CTDSP1: variants seen among roughly 807,000 people sequenced by gnomAD.
CTDSP1 encodes carboxy-terminal domain RNA polymerase II polypeptide A small phosphatase 1.
CTDSP1 carries 15 observed loss-of-function variants against 32.5 expected under a neutral mutation model. The ratio of observed to expected loss-of-function variants is 0.46; its 90% CI spans 0.31 to 0.71. The LOEUF (loss-of-function observed/expected upper bound fraction) is 0.71. Ranked by LOEUF, CTDSP1 falls within the 30% of genes least tolerant of loss-of-function variation. CTDSP1 has a pLI of 0.05. For missense variants in CTDSP1, 294 were observed against 351.1 expected (o/e 0.84, Z 1.30); for synonymous variants, 185 against 145.4 (o/e 1.27, Z -1.96).
At chr2:218,400,234 AGCCGCC>A in intron 1 of CTDSP1, 77 bp downstream of exon 1, 1 of 1,366,054 alleles carries the variant, frequency 7.3e-7, no homozygotes, top group Non-Finnish European at 9.8e-7. Flanking sequence ...TCCCCAGGGG[AGCCGCC>A]GCCGCCGCCC....
In CTDSP1 at chr2:218,401,458, G is replaced by A. The variant is rs79924237; in HGVS notation, c.68-106G>A. ...CTGCCTTCGTGTGTCTGGATGAAGG[G>A]GCCACGGCAAGATCCTCCTGGCTCA... On this transcript the variant is annotated intron_variant, in intron 1 of 6. Transcript: ENST00000273062. The A allele has an allele frequency of 2.4e-3, 3,229 of 1,333,304 alleles. 57 individuals are homozygous for A. The African/African-American group carries it at 0.043, about 18-fold the overall frequency. The allele number at this position is 1,333,304 out of a possible 1,614,324, so 82.6% of individuals were successfully genotyped here.
At chr2:218,403,560 C>A (rs997308112) in intron 6 of CTDSP1, 143 bp downstream of exon 6, 1 of 674,936 alleles carries the variant, frequency 1.5e-6, no homozygotes, top group Non-Finnish European at 2.4e-6. Context: ...CCTGTGCCTG[C>A]CGCCCACTCC....
chr2:218,399,466 A>G (rs1345847259), upstream of CTDSP1: 1 of 152,124 alleles, frequency 6.6e-6, no homozygotes, highest in Non-Finnish European at 1.5e-5. Flanking sequence ...GACCCATTTT[A>G]CAGATGAGGT....
chr2:218,402,783 G>A, intron 4 of CTDSP1: 1 of 713,708 alleles, frequency 1.4e-6, no homozygotes, highest in Admixed American at 2.0e-5. Flanking sequence ...CTGAGGTTGA[G>A]GCAGGGGAAG....
chr2:218,400,288 C>G (rs1279618195), intron 1 of CTDSP1, 131 bp downstream of exon 1: 14 of 823,110 alleles, frequency 1.7e-5, no homozygotes, highest in Non-Finnish European at 2.5e-5. Flanking sequence ...GCTCCCAGCC[C>G]GAGAGGGAGC....
intron 4 of CTDSP1, 38 bp from the exon 5 acceptor site, chr2:218,402,997 C>CCACTGGCCCGCAGCCCCCT (rs910841273): frequency 6.6e-7 from 1 of 1,516,648 alleles, no homozygotes; most frequent in Admixed American, 1.7e-5. Context: ...CCACACTGCC[C>CCACTGGCCCGCAGCCCCCT]CACTGGCCCG....
chr2:218,396,499 C>G (rs779671320), upstream of CTDSP1: 11 of 152,486 alleles, frequency 7.2e-5, no homozygotes, highest in Non-Finnish European at 1.6e-4. Context: ...GGCAGGCGGC[C>G]TGGCTCCGCG....
intron 5 of CTDSP1, 22 bp downstream of exon 5, chr2:218,403,149 G>A (rs779857064): frequency 6.2e-7 from 1 of 1,613,700 alleles, no homozygotes; most frequent in South Asian, 1.1e-5. Context: ...AGGGGTCCCG[G>A]GGCAACCCTG....
At chr2:218,398,673 C>T (rs1309420082), upstream of CTDSP1, 2 of 344,458 alleles carry the variant, frequency 5.8e-6, no homozygotes, top group East Asian at 4.4e-5. Flanking sequence ...CGGGACAGGA[C>T]GCGCCCGCCC....
chr2:218,401,786 A>G, intron 2 of CTDSP1, 74 bp downstream of exon 2: 1 of 1,394,310 alleles, frequency 7.2e-7, no homozygotes, highest in Non-Finnish European at 9.5e-7. Flanking sequence ...GGGGCTCCTG[A>G]CTGAGCTTTT....
At position 218,399,877 on chromosome 2, in the gene CTDSP1, T is replaced by C. The variant is rs1697015962; in HGVS notation, c.-214T>C. ...CCTGGGTTCCATGTTTGCATCCGCC[T>C]CGCGGGAAGGAAACTCCATGTTGTA... is the stretch of plus-strand genomic sequence containing the variant. On this transcript the variant is annotated 5_prime_UTR_variant, in exon 1 of 7. Coordinates refer to ENST00000273062, the MANE Select transcript of CTDSP1 (RefSeq NM_021198.3). 2 of 1,247,886 alleles carry C rather than the reference T, an allele frequency of 1.6e-6. No individual in the cohort carries two copies. Among genetic ancestry groups the C allele is most frequent in the Non-Finnish European group, 2.0e-6 (2 of 996,116 alleles). The allele number at this position is 1,247,886 out of a possible 1,614,324, so 77.3% of individuals were successfully genotyped here.
At position 218,403,434 on chromosome 2, in the gene CTDSP1, C is replaced by T. The variant is rs1438127047; in HGVS notation, c.657+17C>T. On this transcript the variant is annotated intron_variant, in intron 6 of 6. Coordinates refer to ENST00000273062, the MANE Select transcript of CTDSP1 (RefSeq NM_021198.3). ...GACAATGCTGTGAGTGCGGGCTGGA[C>T]TGGGACTGGGACAGGAGCTGAGACC... 6.4e-7 allele frequency: 1 copy of T among 1,561,178 alleles called. No homozygotes were observed. Among genetic ancestry groups the T allele is most frequent in the South Asian group, 1.2e-5 (1 of 85,750 alleles).
At chr2:218,400,944 A>T (rs1319441419) in intron 1 of CTDSP1, 1 of 378,166 alleles carries the variant, frequency 2.6e-6, no homozygotes, top group Non-Finnish European at 5.2e-6. Flanking sequence ...ACTGAGGGCA[A>T]GGTGGAAAGG....
Position 218,404,535 on chromosome 2 carries a change from G to C in CTDSP1, c.*110G>C. On this transcript the variant is annotated 3_prime_UTR_variant, in exon 7 of 7. Transcript: ENST00000273062. ...AACCCATGGGCCGCCGCCACACTCA[G>C]TGCCATGGGGAAGCGGGCGTCTCCC... The C allele has an allele frequency of 7.2e-7, 1 of 1,396,034 alleles. No homozygotes were observed. The allele number at this position is 1,396,034 out of a possible 1,614,324, so 86.5% of individuals were successfully genotyped here.
In CTDSP1 at chr2:218,402,375, C is replaced by T. The variant is rs1697191703; in HGVS notation, c.348C>T (p.Ile116=). The part of the protein sequence containing the change: ...FKPVNNADFI[I]PVEIDGVVHQ... ...CAGTGAACAACGCGGACTTCATCATCCCTGTGGAGATTGATGGGGTGGTCC... is the reference window on the plus strand; with the variant it reads ...CAGTGAACAACGCGGACTTCATCATTCCTGTGGAGATTGATGGGGTGGTCC... The change falls in exon 4 of 7, where the codon ATC becomes ATT. Residue 116 remains isoleucine (I), a synonymous_variant. Coordinates refer to ENST00000273062, the MANE Select transcript of CTDSP1 (RefSeq NM_021198.3). 1.2e-6 allele frequency: 2 copies of T among 1,612,760 alleles called. No individual in the cohort carries two copies. Among genetic ancestry groups the T allele is most frequent in the Admixed American group, 1.7e-5 (1 of 59,904 alleles).
At chr2:218,401,279 G>A in intron 1 of CTDSP1, 1 of 504,998 alleles carries the variant, frequency 2.0e-6, no homozygotes, top group Non-Finnish European at 3.6e-6. Flanking sequence ...GGCTGTGAGA[G>A]GCAGGGAGAG....
chr2:218,396,622 C>G (rs1040832767), upstream of CTDSP1: 22 of 152,598 alleles, frequency 1.4e-4, 1 homozygote, highest in Admixed American at 1.4e-3. Flanking sequence ...GCGACCTGGG[C>G]AAGCGCTGCA....
chr2:218,400,651 G>A (rs915435815), intron 1 of CTDSP1: 30 of 439,262 alleles, frequency 6.8e-5, no homozygotes, highest in African/African-American at 5.6e-4. Context: ...ACACAGCTAC[G>A]TTCCCCACAA....
At chr2:218,402,826 C>T in intron 4 of CTDSP1, 1 of 681,510 alleles carries the variant, frequency 1.5e-6, no homozygotes, top group South Asian at 1.6e-5. Context: ...TGAGGTAGGA[C>T]TGGCCAGTGG....
Sources: gnomAD v4.1 joint callset for allele counts on GRCh38, gnomAD v4.1.1 for gene constraint, MANE v1.5 for transcripts, NCBI Gene and HGNC (gene_info 2026-07-23, HGNC 2026-07-21) for gene names.